Variants in FRMD1 observed in about 807,000 individuals in gnomAD.
The protein encoded by FRMD1 is FERM domain containing 1.
Under a neutral mutation model 54.9 loss-of-function variants are expected in FRMD1, and 51 were observed. The observed-to-expected ratio is 0.93, with a 90% confidence interval of 0.74 to 1.17. FRMD1 has a LOEUF of 1.17. Among genes scored for constraint, FRMD1 ranks in the 50% most tolerant of loss-of-function variants. The pLI, the probability that FRMD1 is intolerant of heterozygous loss-of-function variation, is 0.00. For missense variants in FRMD1, 729 were observed against 743.0 expected (o/e 0.98, Z 0.22); for synonymous variants, 324 against 306.4 (o/e 1.06, Z -0.60).
Position 168,066,777 on chromosome 6 carries a change from C to T in FRMD1, c.439G>A (p.Val147Met), listed in dbSNP as rs151107075. ...TACCTTATGACCCTTCCGTTTTCCACGTAGTGCTGCACTCGGAGGAAGGCC... is the reference window on the plus strand; with the variant it reads ...TACCTTATGACCCTTCCGTTTTCCATGTAGTGCTGCACTCGGAGGAAGGCC... The part of the protein sequence containing the change: ...FVAFLRVQHY[V>M]ENGRVISDHR... The change falls in exon 4 of 11, where the codon GTG becomes ATG. Residue 147 changes from valine (V) to methionine (M), a missense_variant. Transcript: ENST00000283309. 5.0e-6 allele frequency: 8 copies of T among 1,613,896 alleles called. No homozygotes were observed. The highest frequency in any genetic ancestry group is 1.1e-5 in the South Asian group (1 of 91,054).
At chr6:168,075,662 G>T in intron 1 of FRMD1, 1 of 1,149,928 alleles carries the variant, frequency 8.7e-7, no homozygotes, top group Non-Finnish European at 1.3e-6. Flanking sequence ...CAACTCCAGG[G>T]CCGCCCTCTG....
chr6:168,060,028 G>C (rs1264083224), intron 9 of FRMD1, among the ~76,000 whole-genome samples: 3 of 138,214 alleles, frequency 2.2e-5, no homozygotes, highest in South Asian at 2.4e-4. Flanking sequence ...GGAGTGGGGG[G>C]CTTCCTAGGA....
chr6:168,078,982 C>T lies in FRMD1; in HGVS notation c.113G>A (p.Ser38Asn), dbSNP rs1239145031. The change falls in exon 1 of 11, where the codon AGT becomes AAT. Residue 38 changes from serine to asparagine, a missense_variant. Coordinates refer to ENST00000283309, the MANE Select transcript of FRMD1 (RefSeq NM_024919.6). ...MEPSPERPAC[S>N]QQEPTLGMDA... is the part of the protein sequence containing the mutation. ...CATTCCCAGGGTCGGCTCCTGCTGACTGCATGCAGGCCTCTCAGGACTGGG... is the reference window on the plus strand; with the variant it reads ...CATTCCCAGGGTCGGCTCCTGCTGATTGCATGCAGGCCTCTCAGGACTGGG... 6.2e-7 allele frequency: 1 copy of T among 1,612,364 alleles called. No individual in the cohort carries two copies. Among genetic ancestry groups the T allele is most frequent in the East Asian group, 2.2e-5 (1 of 44,858 alleles).
At chr6:168,081,619 G>A, upstream of FRMD1, 1 of 1,161,900 alleles carries the variant, frequency 8.6e-7, no homozygotes, top group Admixed American at 2.9e-5. Flanking sequence ...CAAAGCACAG[G>A]TTTTGGAAAA....
upstream of FRMD1, among the ~76,000 whole-genome samples, chr6:168,086,324 A>C (rs576991975): frequency 6.6e-6 from 1 of 150,960 alleles, no homozygotes; most frequent in Admixed American, 6.6e-5. Context: ...CCACATCTTC[A>C]GTGTGGACAC....
chr6:168,061,858 G>A lies in FRMD1; in HGVS notation c.994C>T (p.Leu332Phe). The change falls in exon 8 of 11, where the codon CTC (leucine) becomes TTC (phenylalanine). Residue 332 changes from leucine to phenylalanine, a missense_variant. By Grantham distance (22) the Leu-to-Phe change is conservative. Transcript: ENST00000283309. ...TGTTGCAGAGTGGGCCGCACGCGGA[G>A]GTGGAGCTGGTGGCTGGCGCGCAGC... ...HLLRASHQLH[L>F]RVRPTLQQLR... is the part of the protein sequence containing the mutation. The A allele has an allele frequency of 6.3e-7, 1 of 1,579,960 alleles. No homozygotes were observed. Among genetic ancestry groups the A allele is most frequent in the Non-Finnish European group, 8.6e-7 (1 of 1,164,338 alleles).
upstream of FRMD1, among the ~76,000 whole-genome samples, chr6:168,086,359 T>G (rs1800919124): frequency 6.8e-6 from 1 of 147,218 alleles, no homozygotes; most frequent in African/African-American, 2.6e-5. Flanking sequence ...ATGTGCCCAG[T>G]GTGGACACTG....
intron 9 of FRMD1, 83 bp downstream of exon 9, chr6:168,060,678 C>T: frequency 7.0e-7 from 1 of 1,425,082 alleles, no homozygotes; most frequent in Non-Finnish European, 9.5e-7. Context: ...GCTTTGCTGC[C>T]TCGGTGTCCA....
chr6:168,067,470 A>G, intron 2 of FRMD1, 24 bp from the exon 3 acceptor site: 1 of 1,461,578 alleles, frequency 6.8e-7, no homozygotes, highest in Non-Finnish European at 9.5e-7. Context: ...AAAAGGCTTC[A>G]TCAGAGCAGT....
intron 1 of FRMD1, 143 bp downstream of exon 1, chr6:168,078,739 T>A (rs1421000385): frequency 2.5e-4 from 160 of 639,886 alleles, no homozygotes; most frequent in Middle Eastern, 1.5e-3. Flanking sequence ...CTCACCCCCA[T>A]GGCTCTGTTT....
intron 1 of FRMD1, among the ~76,000 whole-genome samples, chr6:168,088,346 G>T (rs1366265950): frequency 6.6e-6 from 1 of 152,138 alleles, no homozygotes; most frequent in Non-Finnish European, 1.5e-5. Context: ...TTTTATTCTT[G>T]GAAAGAAACT....
intron 7 of FRMD1, among the ~76,000 whole-genome samples, chr6:168,062,246 G>A (rs113521987): frequency 5.8e-4 from 88 of 152,308 alleles, no homozygotes; most frequent in African/African-American, 1.9e-3. Flanking sequence ...GGAAGACCTC[G>A]GTCTGGCTGT....
chr6:168,062,343 G>A (rs191208304), intron 7 of FRMD1, among the ~76,000 whole-genome samples: 22 of 152,378 alleles, frequency 1.4e-4, no homozygotes, highest in Non-Finnish European at 1.3e-4. Flanking sequence ...CTGGGTGACA[G>A]CTCTGGGGCC....
At chr6:168,087,516 C>A (rs930723180) in intron 1 of FRMD1, among the ~76,000 whole-genome samples, 2 of 152,256 alleles carry the variant, frequency 1.3e-5, no homozygotes, top group African/African-American at 4.8e-5. Flanking sequence ...GCCCTGTCAG[C>A]CGCACATCGT....
At chr6:168,091,413 G>A (rs1442568391) in intron 1 of FRMD1, among the ~76,000 whole-genome samples, 1 of 152,190 alleles carries the variant, frequency 6.6e-6, no homozygotes, top group African/African-American at 2.4e-5. Context: ...TGTCTCCCCA[G>A]GCCCCCAGCA....
chr6:168,087,826 T>A (rs1359751370), intron 1 of FRMD1, among the ~76,000 whole-genome samples: 1 of 152,210 alleles, frequency 6.6e-6, no homozygotes, highest in Non-Finnish European at 1.5e-5. Flanking sequence ...CCAAGGACGC[T>A]GACCTCACCA....
chr6:168,078,340 C>T (rs180719414), intron 1 of FRMD1, among the ~76,000 whole-genome samples: 47 of 152,248 alleles, frequency 3.1e-4, no homozygotes, highest in African/African-American at 1.0e-3. Context: ...CGCTCCCTCC[C>T]GGGAAGGATG....
At chr6:168,064,456 C>T (rs762394799) in intron 5 of FRMD1, among the ~76,000 whole-genome samples, 6 of 152,198 alleles carry the variant, frequency 3.9e-5, no homozygotes, top group Admixed American at 3.9e-4. Context: ...CCTTCCCTTA[C>T]AGGTGAGGAA....
At chr6:168,075,875 GTGTC>G in intron 1 of FRMD1, 1 of 1,035,428 alleles carries the variant, frequency 9.7e-7, no homozygotes, top group South Asian at 1.8e-5. Flanking sequence ...CCGGTGCCCG[GTGTC>G]CACATTTCCG....
Sources: allele counts gnomAD v4.1 joint callset (sites outside exome capture counted in the v4.1 genomes callset), GRCh38; gene constraint gnomAD v4.1.1; transcripts MANE v1.5; gene names NCBI Gene and HGNC (gene_info 2026-07-23, HGNC 2026-07-21).